Variants in C12orf42 observed in about 807,000 individuals in gnomAD.
C12orf42 encodes the protein uncharacterized protein C12orf42.
A neutral mutation model predicts 21.6 loss-of-function variants in C12orf42; 25 were observed. The ratio of observed to expected loss-of-function variants is 1.16; its 90% CI spans 0.84 to 1.62. The LOEUF is 1.62. Ranked by LOEUF, C12orf42 falls within the 40% of genes most tolerant of loss-of-function variation. The probability of loss-of-function intolerance (pLI) is 0.00; values close to 1 mark genes in which losing one functional copy is unlikely to be tolerated. For missense variants in C12orf42, 483 were observed against 459.3 expected (o/e 1.05, Z -0.47); for synonymous variants, 174 against 175.0 (o/e 0.99, Z 0.05).
chr12:103,112,204 C>G, the C12orf42 span, among the ~76,000 whole-genome samples: 7 of 152,180 alleles, frequency 4.6e-5, no homozygotes, highest in African/African-American at 1.7e-4. Context: ...ATGAGGCCAG[C>G]ACAAAGATGC....
chr12:103,252,604 G>A (rs146533913), intron 10 of C12orf42, among the ~76,000 whole-genome samples: 2 of 152,286 alleles, frequency 1.3e-5, no homozygotes, highest in African/African-American at 4.8e-5. Flanking sequence ...TTTGAGAAGT[G>A]TCTGTTCATG....
intron 3 of C12orf42, among the ~76,000 whole-genome samples, chr12:103,400,129 GA>G (rs2047876209): frequency 1.3e-5 from 2 of 152,138 alleles, no homozygotes; most frequent in African/African-American, 4.8e-5. Flanking sequence ...AGAGAAGAAA[GA>G]GAGAGGAAGG....
At chr12:103,089,006 G>T in the C12orf42 span, among the ~76,000 whole-genome samples, 7 of 150,656 alleles carry the variant, frequency 4.6e-5, no homozygotes, top group African/African-American at 1.5e-4. Context: ...GGAGGCTGAG[G>T]CAGGAGAAAG....
At chr12:103,535,669 G>C in the C12orf42 span, among the ~76,000 whole-genome samples, 1 of 152,206 alleles carries the variant, frequency 6.6e-6, no homozygotes, top group South Asian at 2.1e-4. Context: ...GGCAAAGCTG[G>C]AGGATGAGAT....
the C12orf42 span, among the ~76,000 whole-genome samples, chr12:103,110,683 A>G: frequency 6.6e-6 from 1 of 152,318 alleles, no homozygotes; most frequent in East Asian, 1.9e-4. Context: ...GCTGCCCCAA[A>G]TCTTTATGAG....
chr12:103,384,793 C>A (rs1012966290), intron 3 of C12orf42, among the ~76,000 whole-genome samples: 3 of 152,258 alleles, frequency 2.0e-5, no homozygotes, highest in Non-Finnish European at 2.9e-5. Flanking sequence ...TATAGTGAAT[C>A]AAGAATTCAA....
intron 4 of C12orf42, among the ~76,000 whole-genome samples, chr12:103,347,462 C>G (rs1207766006): frequency 6.6e-6 from 1 of 152,074 alleles, no homozygotes; most frequent in Non-Finnish European, 1.5e-5. Flanking sequence ...CATTGATGGA[C>G]ATTTGGGTTG....
intron 4 of C12orf42, among the ~76,000 whole-genome samples, chr12:103,306,983 C>A (rs1340893938): frequency 6.6e-6 from 1 of 152,154 alleles, no homozygotes; most frequent in South Asian, 2.1e-4. Context: ...AGCCAAGGAA[C>A]ACCTGGGCTA....
At chr12:103,284,345 T>A (rs535933581) in intron 4 of C12orf42, among the ~76,000 whole-genome samples, 4 of 152,244 alleles carry the variant, frequency 2.6e-5, no homozygotes, top group African/African-American at 9.6e-5. Context: ...AAAAGCAGAA[T>A]GAACTGGAAA....
the C12orf42 span, among the ~76,000 whole-genome samples, chr12:103,132,979 G>A: frequency 6.6e-6 from 1 of 152,148 alleles, no homozygotes; most frequent in Non-Finnish European, 1.5e-5. Context: ...ACCATAGTAA[G>A]TGCCTGCATG....
chr12:103,337,885 A>G (rs2041847040), intron 4 of C12orf42, among the ~76,000 whole-genome samples: 1 of 151,632 alleles, frequency 6.6e-6, no homozygotes, highest in Admixed American at 6.6e-5. Context: ...GTGCTCTTTT[A>G]TTTGCCAAGA....
At chr12:103,450,776 C>T (rs1430023987) in intron 2 of C12orf42, among the ~76,000 whole-genome samples, 1 of 152,082 alleles carries the variant, frequency 6.6e-6, no homozygotes, top group African/African-American at 2.4e-5. Flanking sequence ...TTTTTCATCA[C>T]AGCCTAGGTT....
chr12:103,266,027 T>G (rs572561980), downstream of C12orf42, among the ~76,000 whole-genome samples: 1 of 152,230 alleles, frequency 6.6e-6, no homozygotes, highest in African/African-American at 2.4e-5. Flanking sequence ...GGAGAGAACA[T>G]GATCATTGCC....
chr12:103,487,753 T>C (rs1468194770), intron 1 of C12orf42, among the ~76,000 whole-genome samples: 1 of 152,220 alleles, frequency 6.6e-6, no homozygotes, highest in Admixed American at 6.5e-5. Flanking sequence ...TTAAAGTCTG[T>C]TTTATTCAAG....
At chr12:103,223,547 G>A in the C12orf42 span, among the ~76,000 whole-genome samples, 1 of 152,196 alleles carries the variant, frequency 6.6e-6, no homozygotes, top group Admixed American at 6.5e-5. Context: ...GTTAAGAGTG[G>A]CAGTTTGGTG....
chr12:103,323,124 A>G (rs1328020641), intron 4 of C12orf42, among the ~76,000 whole-genome samples: 1 of 152,196 alleles, frequency 6.6e-6, no homozygotes, highest in Non-Finnish European at 1.5e-5. Flanking sequence ...AGATGCATAT[A>G]CATATATGTA....
the C12orf42 span, among the ~76,000 whole-genome samples, chr12:103,551,584 A>G: frequency 6.6e-6 from 1 of 152,192 alleles, no homozygotes; most frequent in South Asian, 2.1e-4. Flanking sequence ...TGGGAGGCCA[A>G]GGCAGATGGA....
Position 103,451,690 on chromosome 12 carries a change from C to T in C12orf42, c.78+26659G>A, listed in dbSNP as rs114356487. ...GCCTGGAAACAAACTTAGCCAAACC[C>T]AAACATTTGTTGGGTCTATTTTCCC... On this transcript the variant is annotated intron_variant, in intron 2 of 5. Transcript: ENST00000548883. Among the ~76,000 whole-genome samples the T allele has an allele frequency of 5.4e-3, 825 of 152,152 alleles. 11 individuals are homozygous for T. The highest frequency in any genetic ancestry group is 0.019 in the African/African-American group (770 of 41,472).
intron 4 of C12orf42, among the ~76,000 whole-genome samples, chr12:103,314,731 G>A (rs1181531012): frequency 6.6e-6 from 1 of 152,140 alleles, no homozygotes; most frequent in Non-Finnish European, 1.5e-5. Flanking sequence ...TCTTGTTCTA[G>A]CCGAGGGAAG....
Sources: allele counts gnomAD v4.1 joint callset (sites outside exome capture counted in the v4.1 genomes callset), GRCh38; gene constraint gnomAD v4.1.1; transcripts MANE v1.5; gene names NCBI Gene and HGNC (gene_info 2026-07-23, HGNC 2026-07-21).